The following ESR1 variants were observed in gnomAD, a reference collection of about 807,000 sequenced individuals.
The protein encoded by ESR1 is estrogen receptor.
In ESR1, 12 loss-of-function variants were observed where a neutral mutation model predicts 52.7. That is an observed-to-expected ratio of 0.23 (90% CI 0.15 to 0.37). The LOEUF is 0.37. Among genes scored for constraint, ESR1 ranks in the 10% least tolerant of loss-of-function variants. The probability of loss-of-function intolerance (pLI) is 1.00; values close to 1 mark genes in which losing one functional copy is unlikely to be tolerated. For synonymous variants in ESR1, 305 were observed against 316.8 expected, an observed-to-expected ratio of 0.96 and a Z score of 0.39; for missense variants, 584 against 779.7, an observed-to-expected ratio of 0.75 and a Z score of 2.99.
chr6:151,836,952 A>G (rs946663175), intron 1 of ESR1, among the ~76,000 whole-genome samples: 25 of 152,176 alleles, frequency 1.6e-4, no homozygotes, highest in Non-Finnish European at 2.6e-4. Context: ...GATAGCTGGT[A>G]TCGTTATTTA....
Position 151,847,829 on chromosome 6 carries a change from G to A in ESR1, c.643+5042G>A, listed in dbSNP as rs566224476. Among the ~76,000 whole-genome samples the A allele has an allele frequency of 5.1e-4, 76 of 149,458 alleles. No individual in the cohort carries two copies. In the Middle Eastern group the frequency reaches 0.01, roughly 20 times the overall value. ...AAGTCCTTGCCCACGCCTATGTCCT[G>A]AATGGTAATTCCTAGGTTTTCTTCT... On this transcript the variant is annotated intron_variant, in intron 2 of 7. Coordinates refer to ENST00000206249, the MANE Select transcript of ESR1 (RefSeq NM_000125.4).
At chr6:151,986,903 ATGTG>A (rs140628128) in intron 4 of ESR1, among the ~76,000 whole-genome samples, 10 of 150,018 alleles carry the variant, frequency 6.7e-5, no homozygotes, top group East Asian at 2.0e-4. Context: ...GTGTGTGAGC[ATGTG>A]TGTGTGTGTG....
At chr6:151,761,838 T>A (rs9479107) in intron 2 of ESR1, among the ~76,000 whole-genome samples, 10,275 of 152,174 alleles carry the variant, frequency 0.068, 676 homozygotes, top group East Asian at 0.29. Context: ...GAGGGTGTGT[T>A]ATGACACTGA....
chr6:152,014,903 A>G (rs1396036869), intron 5 of ESR1, among the ~76,000 whole-genome samples: 1 of 152,012 alleles, frequency 6.6e-6, no homozygotes, highest in African/African-American at 2.4e-5. Context: ...CCCCATCTCT[A>G]CTAAAAATAC....
intron 6 of ESR1, among the ~76,000 whole-genome samples, chr6:152,119,206 T>C (rs996322596): frequency 2.6e-5 from 4 of 152,304 alleles, no homozygotes; most frequent in South Asian, 4.1e-4. Flanking sequence ...GGCCCTGGGG[T>C]GTAGGCTATC....
intron 2 of ESR1, among the ~76,000 whole-genome samples, chr6:151,848,566 T>G (rs538166101): frequency 6.6e-6 from 1 of 152,154 alleles, no homozygotes; most frequent in East Asian, 1.9e-4. Context: ...GATTGGTTCT[T>G]ACATTTATTT....
chr6:151,899,739 C>T (rs548867728), intron 3 of ESR1, among the ~76,000 whole-genome samples: 25 of 150,830 alleles, frequency 1.7e-4, no homozygotes, highest in South Asian at 6.3e-4. Flanking sequence ...CCGGCAGAGA[C>T]GCTCCTCACA....
At chr6:152,054,029 A>T (rs917786457) in intron 5 of ESR1, among the ~76,000 whole-genome samples, 2 of 152,128 alleles carry the variant, frequency 1.3e-5, no homozygotes, top group East Asian at 3.9e-4. Context: ...TTAAAAGATG[A>T]GGTATATTTT....
chr6:151,940,700 C>T (rs892301556), intron 3 of ESR1, among the ~76,000 whole-genome samples: 2 of 152,196 alleles, frequency 1.3e-5, no homozygotes, highest in South Asian at 4.1e-4. Context: ...TTCCTCCCAT[C>T]CACTGTGCTT....
intron 5 of ESR1, 47 bp downstream of exon 5, chr6:152,011,841 A>G (rs2128780053): frequency 6.3e-7 from 1 of 1,599,682 alleles, no homozygotes; most frequent in Non-Finnish European, 8.6e-7. Context: ...CTTTACGATC[A>G]TAGTTCATTC....
At chr6:151,727,110 G>A (rs949545091) in intron 2 of ESR1, among the ~76,000 whole-genome samples, 7 of 152,082 alleles carry the variant, frequency 4.6e-5, no homozygotes, top group Admixed American at 3.9e-4. Context: ...ATGTTGTTGA[G>A]TAACATAAAT....
chr6:152,072,259 A>G (rs2128989241), intron 6 of ESR1, among the ~76,000 whole-genome samples: 1 of 152,384 alleles, frequency 6.6e-6, no homozygotes, highest in East Asian at 1.9e-4. Flanking sequence ...CTGCACTGAC[A>G]CAATGCTGAT....
intron 2 of ESR1, among the ~76,000 whole-genome samples, chr6:151,870,833 A>G (rs1391403029): frequency 6.6e-6 from 1 of 151,406 alleles, no homozygotes; most frequent in Admixed American, 6.6e-5. Context: ...GATGCTTCCT[A>G]CATCTTCAGC....
chr6:151,999,041 G>A (rs1293253948), intron 4 of ESR1, among the ~76,000 whole-genome samples: 1 of 152,086 alleles, frequency 6.6e-6, no homozygotes, highest in Non-Finnish European at 1.5e-5. Flanking sequence ...CTGAGTTGCT[G>A]TCCTGGTTCT....
intron 2 of ESR1, among the ~76,000 whole-genome samples, chr6:151,736,077 C>A (rs967132062): frequency 6.6e-6 from 1 of 152,184 alleles, no homozygotes; most frequent in Admixed American, 6.5e-5. Context: ...ATAAATTACC[C>A]AGTCTCGGGT....
intron 4 of ESR1, among the ~76,000 whole-genome samples, chr6:151,968,238 A>T (rs1328121579): frequency 2.0e-5 from 3 of 152,082 alleles, no homozygotes; most frequent in Non-Finnish European, 2.9e-5. Flanking sequence ...CTGAAACTGG[A>T]CCCCTTCCTT....
At chr6:151,704,430 A>G (rs1411009526) in intron 2 of ESR1, among the ~76,000 whole-genome samples, 1 of 152,046 alleles carries the variant, frequency 6.6e-6, no homozygotes, top group Non-Finnish European at 1.5e-5. Context: ...GTAGAGATAG[A>G]GACAGGGTTT....
chr6:151,993,648 A>G (rs1012001569), intron 4 of ESR1, among the ~76,000 whole-genome samples: 1 of 152,218 alleles, frequency 6.6e-6, no homozygotes, highest in Non-Finnish European at 1.5e-5. Flanking sequence ...TGACATGTAC[A>G]GCACTTAGCA....
chr6:151,922,737 G>A (rs2031948833), intron 3 of ESR1, among the ~76,000 whole-genome samples: 1 of 152,134 alleles, frequency 6.6e-6, no homozygotes, highest in Non-Finnish European at 1.5e-5. Flanking sequence ...CAAGATATGG[G>A]CTGTTGGTGT....
Sources: allele counts gnomAD v4.1 joint callset (sites outside exome capture counted in the v4.1 genomes callset), GRCh38; gene constraint gnomAD v4.1.1; transcripts MANE v1.5; gene names NCBI Gene and HGNC (gene_info 2026-07-23, HGNC 2026-07-21).